Variants in CREBBP observed in about 807,000 individuals in gnomAD.
CREBBP encodes CREB binding lysine acetyltransferase, also known as CREB-binding protein.
Under a neutral mutation model 265.0 loss-of-function variants are expected in CREBBP, and 19 were observed. The observed-to-expected ratio is 0.07, with a 90% CI of 0.05 to 0.11. The LOEUF is 0.11. Ranked by LOEUF, CREBBP falls within the 10% of genes least tolerant of loss-of-function variation. CREBBP has a pLI of 1.00. For missense variants in CREBBP, 2,525 were observed against 3,219.0 expected, an observed-to-expected ratio of 0.78 and a Z score of 5.22; for synonymous variants, 1,457 against 1,223.7, an observed-to-expected ratio of 1.19 and a Z score of -3.98.
intron 3 of CREBBP, among the ~76,000 whole-genome samples, chr16:3,797,927 G>A (rs1215398531): frequency 6.6e-6 from 1 of 152,192 alleles, no homozygotes; most frequent in African/African-American, 2.4e-5. Flanking sequence ...GAGCAAATTG[G>A]TTGATCTTTT....
At chr16:3,839,887 A>G (rs1465675737) in intron 2 of CREBBP, among the ~76,000 whole-genome samples, 1 of 152,136 alleles carries the variant, frequency 6.6e-6, no homozygotes, top group African/African-American at 2.4e-5. Context: ...AAAAGAAAAG[A>G]AAAAAGAAAT....
intron 5 of CREBBP, among the ~76,000 whole-genome samples, chr16:3,786,537 T>TAA (rs1234354882): frequency 6.6e-6 from 1 of 152,072 alleles, no homozygotes; most frequent in African/African-American, 2.4e-5. Flanking sequence ...CCAAACTTTG[T>TAA]GAGGGTAGGG....
rs1483070582 is a variant in CREBBP, at chr16:3,782,952, C to T, written c.1331-26G>A. 3.1e-6 allele frequency: 5 copies of T among 1,613,884 alleles called. No homozygotes were observed. In the Admixed American group the frequency reaches 8.3e-5, roughly 27 times the overall value. On this transcript the variant is annotated intron_variant, in intron 5 of 30. Coordinates refer to ENST00000262367, the MANE Select transcript of CREBBP (RefSeq NM_004380.3). ...CTATAACGACAAACAGACAGACAGA[C>T]AAAAACGAGAGGTAAGTAAAAGGGA...
At chr16:3,754,373 C>T (rs946821727) in intron 19 of CREBBP, among the ~76,000 whole-genome samples, 1 of 152,190 alleles carries the variant, frequency 6.6e-6, no homozygotes, top group Non-Finnish European at 1.5e-5. Context: ...TTACCTAGTC[C>T]ACACTTTATT....
At chr16:3,877,657 C>T (rs756316833) in intron 1 of CREBBP, among the ~76,000 whole-genome samples, 16 of 152,314 alleles carry the variant, frequency 1.1e-4, no homozygotes, top group Non-Finnish European at 1.5e-4. Context: ...CACCAGCCTC[C>T]GCCTCCCAAA....
chr16:3,739,146 T>C (rs539054501), intron 25 of CREBBP, among the ~76,000 whole-genome samples: 7 of 152,352 alleles, frequency 4.6e-5, no homozygotes, highest in Admixed American at 2.0e-4. Context: ...GAATTCAGTT[T>C]TCGTCACTGA....
At chr16:3,812,148 CCTCT>C (rs1398480670) in intron 2 of CREBBP, among the ~76,000 whole-genome samples, 1 of 151,918 alleles carries the variant, frequency 6.6e-6, no homozygotes, top group Non-Finnish European at 1.5e-5. Flanking sequence ...GTTATAGTAT[CCTCT>C]CTACCACTGT....
Position 3,729,114 on chromosome 16 carries a change from T to C in CREBBP, c.5933A>G (p.Asn1978Ser), listed in dbSNP as rs112906840. 8,572 of 1,581,462 alleles carry C rather than the reference T, an allele frequency of 5.4e-3. 27 individuals carry two copies. The highest frequency in any genetic ancestry group is 6.1e-3 in the Non-Finnish European group (7,078 of 1,169,868). Residue 1978 changes from asparagine to serine, a missense_variant, in exon 31 of 31, where the codon AAC becomes AGC. Asn to Ser is a conservative substitution (Grantham distance 46). Coordinates refer to ENST00000262367, the MANE Select transcript of CREBBP (RefSeq NM_004380.3). ...QQQHLYRVNI[N>S]NSMPPGRTGM... ...CGTGCGTCCTGGGGGCATGCTGTTG[T>C]TGATGTTCACCCGGTACAGGTGCTG... is the stretch of plus-strand genomic sequence containing the variant.
intron 3 of CREBBP, among the ~76,000 whole-genome samples, chr16:3,809,833 T>C (rs937199641): frequency 1.3e-5 from 2 of 152,092 alleles, no homozygotes; most frequent in African/African-American, 4.8e-5. Flanking sequence ...TCTTCCCAAA[T>C]CACTATGGCA....
At chr16:3,785,405 A>C (rs1397978327) in intron 5 of CREBBP, among the ~76,000 whole-genome samples, 2 of 152,226 alleles carry the variant, frequency 1.3e-5, no homozygotes, top group Non-Finnish European at 2.9e-5. Context: ...ATTATCTAAT[A>C]ATCACCTAAT....
chr16:3,852,643 T>A (rs1167185699), intron 1 of CREBBP, among the ~76,000 whole-genome samples: 2 of 151,818 alleles, frequency 1.3e-5, no homozygotes, highest in Non-Finnish European at 2.9e-5. Context: ...ATGAAAGGGG[T>A]AAATGTCAAT....
At chr16:3,814,215 C>CTGTGTGTGTGTG (rs6145729) in intron 2 of CREBBP, among the ~76,000 whole-genome samples, 1 of 104,000 alleles carries the variant, frequency 9.6e-6, no homozygotes, top group Non-Finnish European at 2.0e-5. Flanking sequence ...GAGTCTCGTT[C>CTGTGTGTGTGTG]TGTGTGTGTG....
At chr16:3,873,585 G>A (rs891409807) in intron 1 of CREBBP, among the ~76,000 whole-genome samples, 1 of 152,314 alleles carries the variant, frequency 6.6e-6, no homozygotes, top group African/African-American at 2.4e-5. Context: ...TAACGCTAGT[G>A]TCAGTTCCCA....
At chr16:3,842,612 ATGT>A (rs1297739307) in intron 2 of CREBBP, among the ~76,000 whole-genome samples, 1 of 152,164 alleles carries the variant, frequency 6.6e-6, no homozygotes, top group African/African-American at 2.4e-5. Context: ...TAATATTGCC[ATGT>A]TGTCAACAAG....
At chr16:3,800,906 T>C (rs1225511058) in intron 3 of CREBBP, among the ~76,000 whole-genome samples, 6 of 152,212 alleles carry the variant, frequency 3.9e-5, no homozygotes, top group East Asian at 3.8e-4. Flanking sequence ...ATTTATGAAC[T>C]AGGAAAAATT....
chr16:3,796,387 CTTTTT>C (rs796743710), intron 3 of CREBBP, among the ~76,000 whole-genome samples: 1 of 139,314 alleles, frequency 7.2e-6, no homozygotes. Context: ...CTGGCTTGTA[CTTTTT>C]TTTTTTTTTT....
chr16:3,809,351 T>C (rs1194647266), intron 3 of CREBBP, among the ~76,000 whole-genome samples: 5 of 151,998 alleles, frequency 3.3e-5, no homozygotes, highest in Non-Finnish European at 5.9e-5. Context: ...CTAATTTTTG[T>C]ATTTTTAGCA....
At chr16:3,769,149 T>C (rs771357015) in intron 15 of CREBBP, 25 bp downstream of exon 15, 7 of 1,613,396 alleles carry the variant, frequency 4.3e-6, no homozygotes, top group African/African-American at 1.3e-5. Context: ...ACGCAGTCAA[T>C]GCATTCCTAG....
At chr16:3,770,130 A>G (rs1596884482) in intron 14 of CREBBP, among the ~76,000 whole-genome samples, 1 of 152,100 alleles carries the variant, frequency 6.6e-6, no homozygotes, top group African/African-American at 2.4e-5. Context: ...TCAGCCTCCC[A>G]AAGTAGTGGG....
Sources: allele counts gnomAD v4.1 joint callset (sites outside exome capture counted in the v4.1 genomes callset), GRCh38; gene constraint gnomAD v4.1.1; transcripts MANE v1.5; gene names NCBI Gene and HGNC (gene_info 2026-07-23, HGNC 2026-07-21).